LRMDA: variants seen among roughly 807,000 people sequenced by gnomAD.
LRMDA encodes leucine rich melanocyte differentiation associated.
Under a neutral mutation model 29.8 loss-of-function variants are expected in LRMDA, and 18 were observed. The ratio of observed to expected loss-of-function variants is 0.60; its 90% confidence interval spans 0.42 to 0.90. The LOEUF (loss-of-function observed/expected upper bound fraction) is 0.90. Ranked by LOEUF, LRMDA falls within the 40% of genes least tolerant of loss-of-function variation. The pLI is 0.00. For synonymous variants in LRMDA, 125 were observed against 109.4 expected (o/e 1.14, Z -0.89); for missense variants, 273 against 273.9 (o/e 1.00, Z 0.02).
At chr10:75,860,073 A>G (rs1477899365) in intron 2 of LRMDA, among the ~76,000 whole-genome samples, 1 of 152,166 alleles carries the variant, frequency 6.6e-6, no homozygotes, top group Non-Finnish European at 1.5e-5. Context: ...CAGACTCTCT[A>G]TTCTGTTCCG....
At chr10:75,938,188 T>G (rs1184537698) in intron 2 of LRMDA, among the ~76,000 whole-genome samples, 1 of 152,014 alleles carries the variant, frequency 6.6e-6, no homozygotes, top group Non-Finnish European at 1.5e-5. Flanking sequence ...TAGCCAAGGG[T>G]TCAAGAAGGA....
intron 2 of LRMDA, among the ~76,000 whole-genome samples, chr10:75,960,236 T>C (rs1444567506): frequency 6.6e-6 from 1 of 152,238 alleles, no homozygotes; most frequent in Non-Finnish European, 1.5e-5. Context: ...GAATAACTGA[T>C]TACTTCAAAT....
intron 2 of LRMDA, among the ~76,000 whole-genome samples, chr10:75,943,865 T>C (rs1846434938): frequency 6.6e-6 from 1 of 152,204 alleles, no homozygotes; most frequent in African/African-American, 2.4e-5. Context: ...CTGCATGTGG[T>C]TGTATGCTCT....
At chr10:76,376,301 G>A (rs1020041584) in intron 6 of LRMDA, among the ~76,000 whole-genome samples, 4 of 152,002 alleles carry the variant, frequency 2.6e-5, no homozygotes, top group Non-Finnish European at 5.9e-5. Flanking sequence ...AGTTTCACCC[G>A]TGTTGCTGCA....
At chr10:75,959,084 C>T (rs1439451419) in intron 2 of LRMDA, among the ~76,000 whole-genome samples, 1 of 152,128 alleles carries the variant, frequency 6.6e-6, no homozygotes, top group African/African-American at 2.4e-5. Context: ...CACAGCCAAA[C>T]CATATCAGAG....
chr10:75,550,478 C>T (rs1402030718), intron 2 of LRMDA, among the ~76,000 whole-genome samples: 1 of 152,050 alleles, frequency 6.6e-6, no homozygotes, highest in Admixed American at 6.6e-5. Context: ...TGTTATTATA[C>T]AGACTGGAGT....
chr10:76,518,327 C>CT (rs71477039), intron 6 of LRMDA, among the ~76,000 whole-genome samples: 1 of 148,236 alleles, frequency 6.7e-6, no homozygotes, highest in African/African-American at 2.5e-5. Context: ...ATCTATCTAT[C>CT]ATCTCTATCT....
chr10:76,311,760 C>T (rs1438920549), intron 5 of LRMDA, among the ~76,000 whole-genome samples: 1 of 152,144 alleles, frequency 6.6e-6, no homozygotes, highest in Non-Finnish European at 1.5e-5. Context: ...TGCATTTACT[C>T]CTAATTAAAA....
intron 2 of LRMDA, among the ~76,000 whole-genome samples, chr10:75,497,051 A>AC (rs1845052703): frequency 6.6e-6 from 1 of 151,988 alleles, no homozygotes; most frequent in African/African-American, 2.4e-5. Flanking sequence ...AAGGGAATGA[A>AC]AGACATATGC....
At chr10:76,062,844 G>A (rs1848724996) in intron 5 of LRMDA, among the ~76,000 whole-genome samples, 1 of 152,142 alleles carries the variant, frequency 6.6e-6, no homozygotes, top group African/African-American at 2.4e-5. Context: ...GAAGGTTCAA[G>A]CCCCCAAAGA....
At chr10:76,159,404 A>T (rs1850603291) in intron 5 of LRMDA, among the ~76,000 whole-genome samples, 1 of 152,178 alleles carries the variant, frequency 6.6e-6, no homozygotes, top group African/African-American at 2.4e-5. Flanking sequence ...GAGGATGTAG[A>T]GCCTTAGGGA....
Position 75,651,865 on chromosome 10 carries a change from C to T in LRMDA, c.131+213371C>T, listed in dbSNP as rs1030379570. ...GAGCCCCTAAAGCACTTAAGGGTAC[C>T]AATAGACTTGACACTTCTCCACTTC... On this transcript the variant is annotated intron_variant, in intron 2 of 6. Coordinates refer to ENST00000611255, the MANE Select transcript of LRMDA (RefSeq NM_001305581.2). 1.4e-4 allele frequency among the ~76,000 whole-genome samples: 21 copies of T among 152,194 alleles called. No homozygotes were observed. The East Asian group carries it at 1.5e-3, about 11-fold the overall frequency.
intron 5 of LRMDA, among the ~76,000 whole-genome samples, chr10:76,275,811 C>T (rs958276638): frequency 2.0e-5 from 3 of 152,066 alleles, no homozygotes; most frequent in African/African-American, 7.2e-5. Context: ...CCTTCACAAC[C>T]TCTTCCTCTT....
intron 2 of LRMDA, among the ~76,000 whole-genome samples, chr10:75,939,763 A>C (rs576766443): frequency 6.6e-6 from 1 of 152,218 alleles, no homozygotes; most frequent in East Asian, 1.9e-4. Context: ...GGGGTGAACT[A>C]GGTAGGTATT....
intron 6 of LRMDA, among the ~76,000 whole-genome samples, chr10:76,423,819 T>C (rs551120183): frequency 6.6e-6 from 1 of 152,194 alleles, no homozygotes; most frequent in Non-Finnish European, 1.5e-5. Context: ...AGGAGGTGTT[T>C]GTTATAGAAA....
At chr10:76,071,686 T>C (rs1255289569) in intron 5 of LRMDA, among the ~76,000 whole-genome samples, 1 of 152,244 alleles carries the variant, frequency 6.6e-6, no homozygotes, top group African/African-American at 2.4e-5. Flanking sequence ...TTCACATAAC[T>C]GCTACAAACA....
intron 2 of LRMDA, among the ~76,000 whole-genome samples, chr10:75,664,941 T>A (rs1564534457): frequency 6.6e-6 from 1 of 152,060 alleles, no homozygotes; most frequent in Non-Finnish European, 1.5e-5. Context: ...CCAGCACCTG[T>A]TGGGGATTTA....
At chr10:76,464,693 C>T (rs542813633) in intron 6 of LRMDA, 1 of 152,242 alleles carries the variant, frequency 6.6e-6, no homozygotes, top group South Asian at 2.1e-4. Flanking sequence ...GTTTTTTGAG[C>T]AGCTGCTTAA....
intron 2 of LRMDA, among the ~76,000 whole-genome samples, chr10:75,998,769 C>A (rs1847514406): frequency 1.3e-5 from 2 of 152,148 alleles, no homozygotes; most frequent in African/African-American, 4.8e-5. Flanking sequence ...CTTGGAATGG[C>A]AAAACACTTG....
Sources: gnomAD v4.1 joint callset for allele counts (sites outside exome capture counted in the v4.1 genomes callset) on GRCh38, gnomAD v4.1.1 for gene constraint, MANE v1.5 for transcripts, NCBI Gene and HGNC (gene_info 2026-07-23, HGNC 2026-07-21) for gene names.